The following NCOR1 variants were observed in gnomAD, a reference collection of about 807,000 sequenced individuals.
NCOR1 encodes the protein nuclear receptor corepressor 1, also known as protein phosphatase 1, regulatory subunit 109.
A neutral mutation model predicts 288.1 loss-of-function variants in NCOR1; 63 were observed. That is an observed-to-expected ratio of 0.22 (90% CI 0.18 to 0.27). The LOEUF is 0.27. Ranked by LOEUF, NCOR1 falls within the 10% of genes least tolerant of loss-of-function variation. The pLI, the probability that NCOR1 is intolerant of heterozygous loss-of-function variation, is 1.00. For missense variants in NCOR1, 2,397 were observed against 3,019.2 expected, an observed-to-expected ratio of 0.79 and a Z score of 4.83; for synonymous variants, 1,007 against 1,065.9, an observed-to-expected ratio of 0.94 and a Z score of 1.08.
chr17:16,148,175 T>C (rs759565214), intron 9 of NCOR1, among the ~76,000 whole-genome samples: 9 of 152,178 alleles, frequency 5.9e-5, no homozygotes, highest in African/African-American at 9.7e-5. Flanking sequence ...CAGGACAGTA[T>C]ACAACCTGGC....
At chr17:16,060,587 C>G (rs2069131) in intron 37 of NCOR1, among the ~76,000 whole-genome samples, 1 of 152,094 alleles carries the variant, frequency 6.6e-6, no homozygotes, top group Non-Finnish European at 1.5e-5. Flanking sequence ...GTAGATATGA[C>G]GTAAACAAAT....
At chr17:16,204,140 C>T (rs1219887434) in intron 1 of NCOR1, among the ~76,000 whole-genome samples, 1 of 151,958 alleles carries the variant, frequency 6.6e-6, no homozygotes, top group Non-Finnish European at 1.5e-5. Flanking sequence ...AAATAATACA[C>T]AAGAGATCAA....
intron 11 of NCOR1, among the ~76,000 whole-genome samples, chr17:16,140,748 A>G (rs1042719249): frequency 6.6e-6 from 1 of 152,176 alleles, no homozygotes; most frequent in Non-Finnish European, 1.5e-5. Context: ...TGGGACGCGG[A>G]GGTTGCAGTG....
At chr17:16,100,398 T>G (rs1240767108) in intron 20 of NCOR1, among the ~76,000 whole-genome samples, 5 of 152,278 alleles carry the variant, frequency 3.3e-5, no homozygotes, top group Admixed American at 6.5e-5. Context: ...TCCAGCACTT[T>G]GGGAGGCTGA....
At chr17:16,063,450 T>C (rs1248554703) in intron 35 of NCOR1, among the ~76,000 whole-genome samples, 1 of 152,190 alleles carries the variant, frequency 6.6e-6, no homozygotes. Flanking sequence ...CCTGAGTAGC[T>C]GGGATTATAG....
chr17:16,101,371 C>T lies in NCOR1; in HGVS notation c.2569G>A (p.Asp857Asn), dbSNP rs764558300. The T allele has an allele frequency of 6.2e-7, 1 of 1,614,236 alleles. No homozygotes were observed. Among genetic ancestry groups the T allele is most frequent in the Non-Finnish European group, 8.5e-7 (1 of 1,180,048 alleles). Residue 857 changes from aspartate (D) to asparagine (N), a missense_variant, in exon 20 of 46, where the codon GAT becomes AAT. Asp to Asn is a conservative substitution (Grantham distance 23, BLOSUM62 1). This residue lies in a region of NCOR1 where 1,872 missense variants were observed against 2,187.8 expected (regional missense o/e 0.86). Transcript: ENST00000268712. The part of the protein sequence containing the change: ...DRASEKVEPR[D>N]EDLVVAQQIN... ...TGCTGAGCTACCACCAAATCTTCAT[C>T]TCTAGGTTCCACCTTCTCACTGGCT...
At chr17:16,064,802 A>G (rs2060937886) in intron 34 of NCOR1, 68 bp downstream of exon 34, 2 of 1,423,174 alleles carry the variant, frequency 1.4e-6, no homozygotes, top group Admixed American at 2.4e-5. Context: ...AGATACCTTA[A>G]AAGGCTATGT....
rs192941356 is a variant in NCOR1 at position 16,054,013 on chromosome 17, T to G, written c.6392+3501A>C. On this transcript the variant is annotated intron_variant, in intron 40 of 45. Transcript: ENST00000268712. ...ACATGCAGAAGACTGAAACTGGGCT[T>G]CTTCTTTATACCATATATATATAAA... 5.0e-3 allele frequency among the ~76,000 whole-genome samples: 755 copies of G among 150,622 alleles called. 9 individuals are homozygous for G. The highest frequency in any genetic ancestry group is 0.033 in the South Asian group (156 of 4,752).
Position 16,032,200 on chromosome 17 carries a change from GTC to G in NCOR1, c.*94_*95del. 3 of 1,255,334 alleles carry G rather than the reference GTC, an allele frequency of 2.4e-6. No homozygotes were observed. Among genetic ancestry groups the G allele is most frequent in the Non-Finnish European group, 3.2e-6 (3 of 931,262 alleles). 77.8% of individuals were successfully genotyped at this position (1,255,334 alleles called of 1,614,324 possible). On this transcript the variant is annotated 3_prime_UTR_variant, in exon 46 of 46. Transcript: ENST00000268712. The stretch of plus-strand genomic sequence containing the variant: ...TCTCCTGAAAAGTCTCAGGGAATAA[GTC>G]ACAGGAGGGCAGGTTTTTGACCTGC...
rs753754400 is a variant in NCOR1, at chr17:16,047,001, T to C, written c.6629A>G (p.Gln2210Arg). 1.2e-6 allele frequency: 2 copies of C among 1,614,158 alleles called. No homozygotes were observed. The highest frequency in any genetic ancestry group is 3.3e-5 in the Admixed American group (2 of 60,012). ...NTSPMVKSKK[Q>R]EIFRKLNSSG... ...GGAGTTCAACTTACGAAAAATCTCCTGCTTCTTTGATTTAACCATGGGTGA... is the reference window on the plus strand; with the variant it reads ...GGAGTTCAACTTACGAAAAATCTCCCGCTTCTTTGATTTAACCATGGGTGA... Residue 2210 changes from glutamine (Q) to arginine (R), a missense_variant, in exon 42 of 46, where the codon CAG (glutamine) becomes CGG (arginine). By Grantham distance (43) the Gln-to-Arg change is conservative. Transcript: ENST00000268712.
chr17:16,064,049 A>G lies in NCOR1; in HGVS notation c.5221+19T>C. 3.1e-6 allele frequency: 5 copies of G among 1,613,512 alleles called. No homozygotes were observed. The highest frequency in any genetic ancestry group is 4.2e-6 in the Non-Finnish European group (5 of 1,179,614). ...CTAAGATGTGTCCAGAGAATGGAAG[A>G]GCAGTGCCTTTCACTGACCTGGCCG... On this transcript the variant is annotated intron_variant, in intron 35 of 45. Coordinates refer to ENST00000268712, the MANE Select transcript of NCOR1 (RefSeq NM_006311.4).
At chr17:16,119,032 C>A (rs1404392281) in intron 17 of NCOR1, among the ~76,000 whole-genome samples, 2 of 152,144 alleles carry the variant, frequency 1.3e-5, no homozygotes, top group African/African-American at 4.8e-5. Flanking sequence ...AAAGTATTTA[C>A]CATCCTATCC....
chr17:16,058,397 T>A, intron 38 of NCOR1, 74 bp downstream of exon 38: 1 of 1,565,962 alleles, frequency 6.4e-7, no homozygotes, highest in Non-Finnish European at 8.7e-7. Context: ...CTTACTATGG[T>A]CTAGACAGAT....
intron 13 of NCOR1, chr17:16,137,808 C>A (rs993937424): frequency 2.1e-5 from 5 of 241,078 alleles, no homozygotes; most frequent in Non-Finnish European, 2.3e-5. Flanking sequence ...GTCATCCTTG[C>A]GCAGAGGCCA....
intron 15 of NCOR1, chr17:16,122,781 C>CA (rs1288565941): frequency 3.3e-5 from 5 of 152,378 alleles, no homozygotes; most frequent in Non-Finnish European, 7.3e-5. Context: ...GGACTACAGA[C>CA]ACGTGCCAGC....
chr17:16,143,575 G>T lies in NCOR1; in HGVS notation c.1173+31C>A, dbSNP rs770464532. On this transcript the variant is annotated intron_variant, in intron 11 of 45. Coordinates refer to ENST00000268712, the MANE Select transcript of NCOR1 (RefSeq NM_006311.4). ...GAGTTAAAATGCTTTAATAATTAAC[G>T]AATTAACTTGAATTAAATTTATTTT... is the stretch of plus-strand genomic sequence containing the variant. 2.6e-6 allele frequency: 4 copies of T among 1,531,190 alleles called. No individual in the cohort carries two copies. In the South Asian group the frequency reaches 4.5e-5, roughly 17 times the overall value. 94.9% of individuals were successfully genotyped at this position (1,531,190 alleles called of 1,614,324 possible). A position where few individuals can be genotyped will look rare whatever the true frequency, so the allele number is the denominator to read the frequency against.
intron 26 of NCOR1, among the ~76,000 whole-genome samples, chr17:16,076,258 G>C (rs551524997): frequency 5.3e-5 from 8 of 152,298 alleles, no homozygotes; most frequent in African/African-American, 1.9e-4. Flanking sequence ...TATACAAAAA[G>C]CAAATTCAAG....
chr17:16,128,019 A>T (rs1270495318), intron 14 of NCOR1, among the ~76,000 whole-genome samples: 1 of 151,880 alleles, frequency 6.6e-6, no homozygotes, highest in Non-Finnish European at 1.5e-5. Flanking sequence ...ACCTCAAGTG[A>T]TTCTCCCACC....
At chr17:16,133,547 T>C (rs9891646) in intron 14 of NCOR1, among the ~76,000 whole-genome samples, 68,993 of 152,082 alleles carry the variant, frequency 0.45, 16,692 homozygotes, top group Middle Eastern at 0.59. Context: ...AGTTGATACA[T>C]AGATTTTGAA....
Sources: allele counts gnomAD v4.1 joint callset (sites outside exome capture counted in the v4.1 genomes callset), GRCh38; gene constraint gnomAD v4.1.1; regional missense constraint gnomAD v4.1.1; transcripts MANE v1.5; gene names NCBI Gene and HGNC (gene_info 2026-07-23, HGNC 2026-07-21).